DOK6: variants seen among roughly 807,000 people sequenced by gnomAD.
DOK6 encodes the protein downstream of tyrosine kinase 6.
In DOK6, 22 loss-of-function variants were observed where a neutral mutation model predicts 44.0. The ratio of observed to expected loss-of-function variants is 0.50; its 90% CI spans 0.36 to 0.71. DOK6 has a LOEUF of 0.71. DOK6 is among the 30% of genes least tolerant of loss of function. The probability of loss-of-function intolerance (pLI) is 0.00; values close to 1 mark genes in which losing one functional copy is unlikely to be tolerated. For missense variants in DOK6, 340 were observed against 416.4 expected (o/e 0.82, Z 1.60); for synonymous variants, 166 against 145.5 (o/e 1.14, Z -1.01).
intron 1 of DOK6, among the ~76,000 whole-genome samples, chr18:69,502,909 C>T (rs369829589): frequency 2.0e-5 from 3 of 152,006 alleles, no homozygotes; most frequent in Non-Finnish European, 2.9e-5. Context: ...CTGTAGTGTG[C>T]GCTCTTATAG....
At chr18:69,490,890 G>A (rs1237982934) in intron 1 of DOK6, among the ~76,000 whole-genome samples, 2 of 152,218 alleles carry the variant, frequency 1.3e-5, no homozygotes, top group Non-Finnish European at 2.9e-5. Flanking sequence ...GCGTATGGGT[G>A]ATATGTGTGT....
At chr18:69,544,331 C>A (rs78544091) in intron 1 of DOK6, among the ~76,000 whole-genome samples, 1 of 151,372 alleles carries the variant, frequency 6.6e-6, no homozygotes, top group African/African-American at 2.4e-5. Context: ...ATTATCCATG[C>A]GTTAGTGATG....
At chr18:69,463,943 T>A (rs1014863565) in intron 1 of DOK6, among the ~76,000 whole-genome samples, 5 of 152,200 alleles carry the variant, frequency 3.3e-5, no homozygotes, top group Non-Finnish European at 2.9e-5. Context: ...ACTGCTACTT[T>A]TATTTGAAAA....
rs73452084 is a variant in DOK6 at position 69,543,695 on chromosome 18, G to A, written c.67-20792G>A. On this transcript the variant is annotated intron_variant, in intron 1 of 7. Transcript: ENST00000382713. The stretch of plus-strand genomic sequence containing the variant: ...TTCAGGGCTTGATTTTTGTATCTCC[G>A]TTACTACCTTTTAAAAAAATATTTC... 9.3e-5 allele frequency among the ~76,000 whole-genome samples: 14 copies of A among 151,266 alleles called. 1 individual carries two copies. The highest frequency in any genetic ancestry group is 3.3e-4 in the Admixed American group (5 of 15,196).
intron 1 of DOK6, among the ~76,000 whole-genome samples, chr18:69,449,698 C>T (rs534526695): frequency 2.5e-4 from 38 of 152,124 alleles, no homozygotes; most frequent in African/African-American, 5.5e-4. Context: ...TCTCCCAGCA[C>T]GCAGATGGAG....
At chr18:69,766,678 G>A (rs1979726518) in intron 7 of DOK6, among the ~76,000 whole-genome samples, 1 of 152,094 alleles carries the variant, frequency 6.6e-6, no homozygotes, top group South Asian at 2.1e-4. Flanking sequence ...AGGAGGAGGA[G>A]GAAGAGGAGA....
intron 1 of DOK6, among the ~76,000 whole-genome samples, chr18:69,541,316 G>C (rs1982262755): frequency 6.6e-6 from 1 of 151,422 alleles, no homozygotes; most frequent in Non-Finnish European, 1.5e-5. Flanking sequence ...TTGTGATGGG[G>C]AAATTGATGC....
intron 1 of DOK6, among the ~76,000 whole-genome samples, chr18:69,474,107 T>A (rs539512100): frequency 3.3e-5 from 5 of 152,310 alleles, no homozygotes; most frequent in Non-Finnish European, 7.4e-5. Flanking sequence ...TATTTTTAAA[T>A]CCCTCATATG....
chr18:69,655,444 G>T lies in DOK6; in HGVS notation c.290-22290G>T, dbSNP rs1426786591. 2.0e-5 allele frequency among the ~76,000 whole-genome samples: 3 copies of T among 152,112 alleles called. No individual in the cohort carries two copies. In the East Asian group the frequency reaches 5.8e-4, roughly 29 times the overall value. ...TCTCAGTGCTTAGAAGATGAATCTGGAGAAATCATCAAGAATGCAGCACAA... is the reference window on the plus strand; with the variant it reads ...TCTCAGTGCTTAGAAGATGAATCTGTAGAAATCATCAAGAATGCAGCACAA... On this transcript the variant is annotated intron_variant, in intron 3 of 7. Coordinates refer to ENST00000382713, the MANE Select transcript of DOK6 (RefSeq NM_152721.6).
chr18:69,631,437 A>G (rs951550232), intron 3 of DOK6, among the ~76,000 whole-genome samples: 24 of 152,172 alleles, frequency 1.6e-4, no homozygotes, highest in Non-Finnish European at 1.9e-4. Context: ...AGTGAATAGC[A>G]TGGTAATTCA....
chr18:69,681,959 G>A (rs1986055601), intron 4 of DOK6, among the ~76,000 whole-genome samples: 1 of 152,170 alleles, frequency 6.6e-6, no homozygotes, highest in Non-Finnish European at 1.5e-5. Context: ...CTGCCATCTG[G>A]TTTATTCAGA....
chr18:69,530,054 A>G (rs1981941200), intron 1 of DOK6, among the ~76,000 whole-genome samples: 1 of 152,180 alleles, frequency 6.6e-6, no homozygotes. Flanking sequence ...GAGTTTATGC[A>G]TGATCCTATA....
At chr18:69,579,881 C>G (rs1983325994) in intron 2 of DOK6, among the ~76,000 whole-genome samples, 1 of 152,172 alleles carries the variant, frequency 6.6e-6, no homozygotes, top group Non-Finnish European at 1.5e-5. Context: ...CCTCAACCCC[C>G]CAAATTGCTG....
chr18:69,511,272 C>CT (rs1486419294), intron 1 of DOK6, among the ~76,000 whole-genome samples: 1 of 152,000 alleles, frequency 6.6e-6, no homozygotes, highest in Non-Finnish European at 1.5e-5. Flanking sequence ...TAAAATATTC[C>CT]TTTTTTGGAA....
chr18:69,726,654 T>C (rs1978309431), intron 5 of DOK6, among the ~76,000 whole-genome samples: 1 of 150,236 alleles, frequency 6.7e-6, no homozygotes, highest in Non-Finnish European at 1.5e-5. Flanking sequence ...TGTACATGTA[T>C]GTATATGTGT....
chr18:69,713,139 T>G (rs773937625), intron 5 of DOK6, among the ~76,000 whole-genome samples: 1 of 152,170 alleles, frequency 6.6e-6, no homozygotes, highest in South Asian at 2.1e-4. Context: ...AATCTATCCC[T>G]AGCCAGTTGA....
At chr18:69,597,818 C>T (rs963496360) in intron 2 of DOK6, among the ~76,000 whole-genome samples, 1 of 152,184 alleles carries the variant, frequency 6.6e-6, no homozygotes, top group Non-Finnish European at 1.5e-5. Flanking sequence ...TGCACATGCA[C>T]ATGTCTACAA....
rs964503313 is a variant in DOK6, at chr18:69,420,140, A to G, written c.66+18830A>G. ...ACCAATAAAACATACAAAAAAACAC[A>G]GCAAAGTACATTGCTGTTTTGGAGG... On this transcript the variant is annotated intron_variant, in intron 1 of 7. Coordinates refer to ENST00000382713, the MANE Select transcript of DOK6 (RefSeq NM_152721.6). Among the ~76,000 whole-genome samples the G allele has an allele frequency of 9.8e-5, 15 of 152,290 alleles. No individual in the cohort carries two copies. The South Asian group carries it at 3.1e-3, about 32-fold the overall frequency.
chr18:69,792,018 C>T (rs2145098217), intron 7 of DOK6, among the ~76,000 whole-genome samples: 1 of 152,176 alleles, frequency 6.6e-6, no homozygotes, highest in South Asian at 2.1e-4. Context: ...GGTCATTTCC[C>T]TAATGCATGT....
Sources: gnomAD v4.1 joint callset for allele counts (sites outside exome capture counted in the v4.1 genomes callset) on GRCh38, gnomAD v4.1.1 for gene constraint, MANE v1.5 for transcripts, NCBI Gene and HGNC (gene_info 2026-07-23, HGNC 2026-07-21) for gene names.